LANCL3: variants seen among roughly 807,000 people sequenced by gnomAD.
LANCL3 encodes lanC-like protein 3.
LANCL3 carries 19 observed loss-of-function variants against 26.5 expected under a neutral mutation model. The observed-to-expected ratio is 0.72, with a 90% CI of 0.50 to 1.05. LANCL3 has a LOEUF of 1.05. Ranked by LOEUF, LANCL3 falls within the 50% of genes least tolerant of loss-of-function variation. LANCL3 has a pLI of 0.00. For missense variants in LANCL3, 318 were observed against 362.7 expected, an observed-to-expected ratio of 0.88 and a Z score of 1.00; for synonymous variants, 160 against 166.6, an observed-to-expected ratio of 0.96 and a Z score of 0.30.
At chrX:37,637,845 C>T (rs1038360876) in intron 1 of LANCL3, among the ~76,000 whole-genome samples, 1 of 110,910 alleles carries the variant, frequency 9.0e-6, no homozygotes, top group East Asian at 2.8e-4. Context: ...CTTCTCCTCT[C>T]GGTGGATCAT....
At chrX:37,644,688 A>G (rs1569468140) in intron 1 of LANCL3, among the ~76,000 whole-genome samples, 1 of 112,382 alleles carries the variant, frequency 8.9e-6, no homozygotes, top group Non-Finnish European at 1.9e-5. Context: ...GGTCTTTTCC[A>G]TATTTTCCCT....
At chrX:37,583,268 C>T (rs868916166) in intron 1 of LANCL3, among the ~76,000 whole-genome samples, 3 of 111,626 alleles carry the variant, frequency 2.7e-5, no homozygotes, top group South Asian at 3.8e-4. Context: ...CCAGCTTTGT[C>T]CTTTTGGCTT....
chrX:37,627,609 G>C (rs1408350403), intron 1 of LANCL3, among the ~76,000 whole-genome samples: 1 of 111,683 alleles, frequency 9.0e-6, no homozygotes, highest in East Asian at 2.8e-4. Flanking sequence ...ACATTACAAT[G>C]TGGGAAATAC....
Position 37,641,649 on chromosome X carries a change from C to T in LANCL3, c.574-14039C>T, listed in dbSNP as rs1435129795. On this transcript the variant is annotated intron_variant, in intron 1 of 4. Coordinates refer to ENST00000378619, the MANE Select transcript of LANCL3 (RefSeq NM_001170331.2). ...CAATTATGACCTTCAGGGCATCCAT[C>T]AATCCTACAGGCCCATGTCAAAGAA... Among the ~76,000 whole-genome samples, 3 of 111,618 alleles carry T rather than the reference C, an allele frequency of 2.7e-5. No homozygotes were observed. In the Admixed American group the frequency reaches 2.9e-4, roughly 11 times the overall value.
chrX:37,618,176 T>G (rs1602110237), intron 1 of LANCL3, among the ~76,000 whole-genome samples: 1 of 112,394 alleles, frequency 8.9e-6, no homozygotes, highest in East Asian at 2.8e-4. Flanking sequence ...GGCCCCAAAC[T>G]GGAGCTTCAC....
chrX:37,657,194 C>G (rs1556431167), intron 2 of LANCL3, among the ~76,000 whole-genome samples: 1 of 112,558 alleles, frequency 8.9e-6, no homozygotes, highest in East Asian at 2.8e-4. Flanking sequence ...TCTGTCCTGC[C>G]CCTTTGGGCA....
At chrX:37,612,353 A>G (rs1335184042) in intron 1 of LANCL3, among the ~76,000 whole-genome samples, 4 of 111,657 alleles carry the variant, frequency 3.6e-5, no homozygotes, top group Non-Finnish European at 7.5e-5. Flanking sequence ...TGTGATTTAT[A>G]TGTATCCTGA....
intron 1 of LANCL3, among the ~76,000 whole-genome samples, chrX:37,632,918 G>T (rs781908379): frequency 1.8e-5 from 2 of 111,192 alleles, no homozygotes; most frequent in East Asian, 5.6e-4. Context: ...TGGTGAATCT[G>T]ACAATTATGT....
At chrX:37,643,418 G>T (rs1556426161) in intron 1 of LANCL3, among the ~76,000 whole-genome samples, 1 of 111,942 alleles carries the variant, frequency 8.9e-6, no homozygotes, top group Non-Finnish European at 1.9e-5. Flanking sequence ...ATCATAAAAT[G>T]CTATATGTGT....
chrX:37,657,920 T>G (rs1926324969), intron 2 of LANCL3, among the ~76,000 whole-genome samples: 1 of 111,777 alleles, frequency 8.9e-6, no homozygotes, highest in African/African-American at 3.3e-5. Flanking sequence ...AAGAAAGCTT[T>G]AAAGTTATAG....
chrX:37,599,307 A>G (rs1924519508), intron 1 of LANCL3, among the ~76,000 whole-genome samples: 1 of 112,603 alleles, frequency 8.9e-6, no homozygotes, highest in African/African-American at 3.2e-5. Flanking sequence ...TTCTTCACCA[A>G]TGATAGTTTG....
intron 1 of LANCL3, among the ~76,000 whole-genome samples, chrX:37,589,313 A>C (rs1250767299): frequency 1.5e-4 from 17 of 111,654 alleles, no homozygotes; most frequent in African/African-American, 5.5e-4. Context: ...GCAATATCTG[A>C]TTGACTTTAA....
At position 37,675,096 on chromosome X, in the gene LANCL3, G is replaced by A. The variant is rs192727781; in HGVS notation, c.1104-558G>A. ...CAAAAATAATCTGTCTTGTAGCTGCGTTTGCTATATGATGTTATCATTGTG... is the reference window on the plus strand; with the variant it reads ...CAAAAATAATCTGTCTTGTAGCTGCATTTGCTATATGATGTTATCATTGTG... On this transcript the variant is annotated intron_variant, in intron 4 of 4. Coordinates refer to ENST00000378619, the MANE Select transcript of LANCL3 (RefSeq NM_001170331.2). Among the ~76,000 whole-genome samples the A allele has an allele frequency of 3.5e-4, 39 of 112,040 alleles. 1 individual carries two copies. In the East Asian group the frequency reaches 9.8e-3, roughly 28 times the overall value.
intron 1 of LANCL3, among the ~76,000 whole-genome samples, chrX:37,603,732 T>G (rs1924633342): frequency 1.8e-5 from 2 of 112,209 alleles, no homozygotes; most frequent in African/African-American, 6.5e-5. Flanking sequence ...ACTTTTCTTT[T>G]CAGAGCACAA....
chrX:37,611,962 G>A (rs1178510263), intron 1 of LANCL3, among the ~76,000 whole-genome samples: 2 of 109,795 alleles, frequency 1.8e-5, no homozygotes, highest in Non-Finnish European at 3.8e-5. Context: ...TTGAGTTGGA[G>A]TTTCGCTCTC....
At chrX:37,599,356 C>T (rs1014832617) in intron 1 of LANCL3, among the ~76,000 whole-genome samples, 2 of 112,159 alleles carry the variant, frequency 1.8e-5, no homozygotes, top group Non-Finnish European at 3.8e-5. Context: ...TTTTAGTGTT[C>T]ATCAGAGTCA....
chrX:37,628,266 G>C lies in LANCL3; in HGVS notation c.574-27422G>C, dbSNP rs1365387764. ...AGATTTTCCTGCCCCAAATGCGTAA[G>C]GTAACTTTAATCATGAGGAACATCA... On this transcript the variant is annotated intron_variant, in intron 1 of 4. Transcript: ENST00000378619. Among the ~76,000 whole-genome samples, 7 of 110,900 alleles carry C rather than the reference G, an allele frequency of 6.3e-5. No homozygotes were observed. In the South Asian group the frequency reaches 2.7e-3, roughly 43 times the overall value.
chrX:37,602,993 G>A (rs1924611522), intron 1 of LANCL3, among the ~76,000 whole-genome samples: 1 of 111,162 alleles, frequency 9.0e-6, no homozygotes, highest in Admixed American at 9.6e-5. Context: ...GGGGAGAAAA[G>A]TGAGATAAAA....
At chrX:37,637,759 T>C (rs1354769913) in intron 1 of LANCL3, among the ~76,000 whole-genome samples, 1 of 111,724 alleles carries the variant, frequency 9.0e-6, no homozygotes, top group African/African-American at 3.3e-5. Flanking sequence ...ACATTCCTGA[T>C]ACAAATAGAG....
Sources: gnomAD v4.1 joint callset for allele counts (sites outside exome capture counted in the v4.1 genomes callset) on GRCh38, gnomAD v4.1.1 for gene constraint, MANE v1.5 for transcripts, NCBI Gene and HGNC (gene_info 2026-07-23, HGNC 2026-07-21) for gene names.